The following DAP variants were observed in gnomAD, a reference collection of about 807,000 sequenced individuals.
DAP encodes the protein death associated protein.
In DAP, 8 loss-of-function variants were observed where a neutral mutation model predicts 13.8. That is an observed-to-expected ratio of 0.58 (90% CI 0.34 to 1.05). The LOEUF (loss-of-function observed/expected upper bound fraction) is 1.05, where lower values mean the gene tolerates loss of function less well. Among genes scored for constraint, DAP ranks in the 50% least tolerant of loss-of-function variants. The pLI is 0.03. For synonymous variants in DAP, 47 were observed against 47.5 expected, an observed-to-expected ratio of 0.99 and a Z score of 0.04; for missense variants, 106 against 133.2, an observed-to-expected ratio of 0.80 and a Z score of 1.01.
chr5:10,747,596 C>T (rs771487230), intron 2 of DAP, among the ~76,000 whole-genome samples: 4 of 152,230 alleles, frequency 2.6e-5, no homozygotes, highest in Non-Finnish European at 4.4e-5. Flanking sequence ...TCAAGGGTCT[C>T]CATGTGATTT....
intron 2 of DAP, chr5:10,734,015 G>A (rs1391125170): frequency 1.3e-5 from 2 of 152,160 alleles, no homozygotes. Context: ...CCAAGCACTG[G>A]AGAGTTGATT....
chr5:10,745,807 C>CG (rs1739888117), intron 2 of DAP, among the ~76,000 whole-genome samples: 1 of 152,070 alleles, frequency 6.6e-6, no homozygotes, highest in South Asian at 2.1e-4. Flanking sequence ...CCAGGCAAGG[C>CG]GATATCTCTT....
At chr5:10,723,791 T>A (rs752004487) in intron 2 of DAP, among the ~76,000 whole-genome samples, 1 of 152,208 alleles carries the variant, frequency 6.6e-6, no homozygotes, top group Non-Finnish European at 1.5e-5. Context: ...TGTTATTATA[T>A]GCCATTATCT....
At chr5:10,726,576 C>G (rs1290354600) in intron 2 of DAP, among the ~76,000 whole-genome samples, 6 of 152,234 alleles carry the variant, frequency 3.9e-5, no homozygotes, top group Non-Finnish European at 8.8e-5. Flanking sequence ...GGCCCCGGCC[C>G]AGGAGGCGGG....
chr5:10,681,202 A>G (rs751175821), intron 3 of DAP, 33 bp from the exon 4 acceptor site: 99 of 1,451,758 alleles, frequency 6.8e-5, no homozygotes, highest in Non-Finnish European at 8.0e-5. Context: ...CAGGTTAATC[A>G]ATAGGAAGCA....
intron 2 of DAP, among the ~76,000 whole-genome samples, chr5:10,701,639 C>G (rs1738578133): frequency 6.6e-6 from 1 of 152,156 alleles, no homozygotes; most frequent in South Asian, 2.1e-4. Flanking sequence ...AACCAATCCC[C>G]TGCCATCTCG....
chr5:10,747,666 G>A (rs1739939567), intron 2 of DAP, among the ~76,000 whole-genome samples: 1 of 152,198 alleles, frequency 6.6e-6, no homozygotes, highest in Non-Finnish European at 1.5e-5. Flanking sequence ...TGTTTCTCTG[G>A]AATGACAACA....
intron 2 of DAP, among the ~76,000 whole-genome samples, chr5:10,734,436 C>G (rs1012743812): frequency 6.6e-6 from 1 of 152,148 alleles, no homozygotes; most frequent in Non-Finnish European, 1.5e-5. Flanking sequence ...CTTTCTTATC[C>G]CCAAATCTAA....
chr5:10,749,371 C>T (rs1739988000), intron 1 of DAP, among the ~76,000 whole-genome samples: 1 of 152,138 alleles, frequency 6.6e-6, no homozygotes, highest in South Asian at 2.1e-4. Flanking sequence ...ATTTATCCTT[C>T]TGAAAACCAC....
chr5:10,696,312 G>C (rs1341338844), intron 2 of DAP, among the ~76,000 whole-genome samples: 1 of 152,178 alleles, frequency 6.6e-6, no homozygotes, highest in Non-Finnish European at 1.5e-5. Context: ...ACCACTTCCT[G>C]AAAGTGAGCC....
At chr5:10,709,799 A>G (rs1327184089) in intron 2 of DAP, among the ~76,000 whole-genome samples, 1 of 152,222 alleles carries the variant, frequency 6.6e-6, no homozygotes, top group Admixed American at 6.5e-5. Context: ...ACCCACCTGG[A>G]ACATGTCCCA....
intron 1 of DAP, among the ~76,000 whole-genome samples, chr5:10,748,990 T>C (rs1233989607): frequency 6.6e-6 from 1 of 152,162 alleles, no homozygotes; most frequent in African/African-American, 2.4e-5. Flanking sequence ...TACCCTCCAT[T>C]CCACCCCTCC....
intron 2 of DAP, among the ~76,000 whole-genome samples, chr5:10,701,328 G>T (rs183785775): frequency 6.6e-6 from 1 of 152,192 alleles, no homozygotes; most frequent in Non-Finnish European, 1.5e-5. Context: ...CATGGAGAAC[G>T]CAAGTCAAAG....
At chr5:10,715,782 G>A (rs886811655) in intron 2 of DAP, among the ~76,000 whole-genome samples, 1 of 152,202 alleles carries the variant, frequency 6.6e-6, no homozygotes, top group Non-Finnish European at 1.5e-5. Flanking sequence ...TATCATTCAT[G>A]CCCCCTGGCC....
At chr5:10,701,644 A>G (rs913860122) in intron 2 of DAP, among the ~76,000 whole-genome samples, 3 of 152,188 alleles carry the variant, frequency 2.0e-5, no homozygotes, top group Non-Finnish European at 4.4e-5. Flanking sequence ...ATCCCCTGCC[A>G]TCTCGTCTCT....
intron 2 of DAP, among the ~76,000 whole-genome samples, chr5:10,697,650 A>C (rs1241379980): frequency 6.6e-6 from 1 of 152,164 alleles, no homozygotes; most frequent in Non-Finnish European, 1.5e-5. Context: ...ATAGGATAAA[A>C]CTATGGTGGC....
intron 2 of DAP, among the ~76,000 whole-genome samples, chr5:10,715,338 C>T (rs552537700): frequency 2.6e-5 from 4 of 152,268 alleles, no homozygotes; most frequent in African/African-American, 9.6e-5. Flanking sequence ...AGGACAGCAA[C>T]AGGAGCAACT....
intron 2 of DAP, among the ~76,000 whole-genome samples, chr5:10,720,933 T>C (rs1487307187): frequency 2.0e-5 from 3 of 152,222 alleles, no homozygotes; most frequent in South Asian, 2.1e-4. Flanking sequence ...TCCACTGTCA[T>C]GGTATTCCAA....
intron 2 of DAP, among the ~76,000 whole-genome samples, chr5:10,726,818 G>C (rs1739298640): frequency 6.6e-6 from 1 of 152,230 alleles, no homozygotes; most frequent in South Asian, 2.1e-4. Context: ...CTCTGAGTCA[G>C]AGAGAGCAGA....
Sources: allele counts gnomAD v4.1 joint callset (sites outside exome capture counted in the v4.1 genomes callset), GRCh38; gene constraint gnomAD v4.1.1; transcripts MANE v1.5; gene names NCBI Gene and HGNC (gene_info 2026-07-23, HGNC 2026-07-21).